ZBTB20: variants seen among roughly 807,000 people sequenced by gnomAD.
ZBTB20 encodes the protein zinc finger and BTB domain containing 20.
A neutral mutation model predicts 56.9 loss-of-function variants in ZBTB20; 9 were observed. That is an observed-to-expected ratio of 0.16 (90% CI 0.10 to 0.28). ZBTB20 has a LOEUF of 0.28. ZBTB20 is among the 10% of genes least tolerant of loss of function. The pLI, the probability that ZBTB20 is intolerant of heterozygous loss-of-function variation, is 1.00. For missense variants in ZBTB20, 655 were observed against 1,003.0 expected, an observed-to-expected ratio of 0.65 and a Z score of 4.69; for synonymous variants, 417 against 420.7, an observed-to-expected ratio of 0.99 and a Z score of 0.11.
intron 7 of ZBTB20, among the ~76,000 whole-genome samples, chr3:114,465,044 G>C (rs1299467884): frequency 6.8e-6 from 1 of 147,754 alleles, no homozygotes; most frequent in Non-Finnish European, 1.5e-5. Flanking sequence ...GGACTGTTTT[G>C]TTTTTAGGTA....
At chr3:115,131,574 C>CA (rs1246288674) in intron 1 of ZBTB20, among the ~76,000 whole-genome samples, 1 of 151,942 alleles carries the variant, frequency 6.6e-6, no homozygotes, top group Non-Finnish European at 1.5e-5. Context: ...ACCTGGAAAC[C>CA]AAAAAATACA....
intron 5 of ZBTB20, among the ~76,000 whole-genome samples, chr3:114,778,037 T>C (rs1227826522): frequency 3.7e-5 from 5 of 135,364 alleles, no homozygotes; most frequent in South Asian, 2.4e-4. Context: ...TAGGTGGGAA[T>C]TGAACAATGA....
At chr3:114,821,679 C>T (rs2073255889) in intron 4 of ZBTB20, among the ~76,000 whole-genome samples, 1 of 152,110 alleles carries the variant, frequency 6.6e-6, no homozygotes, top group Admixed American at 6.6e-5. Flanking sequence ...TAGTCCAAGA[C>T]TCTAGTTTAG....
chr3:114,854,264 A>T (rs1351724605), intron 4 of ZBTB20, among the ~76,000 whole-genome samples: 1 of 152,226 alleles, frequency 6.6e-6, no homozygotes, highest in African/African-American at 2.4e-5. Flanking sequence ...GAAAATGATA[A>T]GAGCCTTAAT....
chr3:114,835,265 A>G (rs999042426), intron 4 of ZBTB20, among the ~76,000 whole-genome samples: 11 of 152,180 alleles, frequency 7.2e-5, no homozygotes, highest in African/African-American at 2.2e-4. Context: ...TGACTAGGGA[A>G]TTTAAATGTA....
chr3:114,544,973 T>G (rs547382348), intron 6 of ZBTB20, among the ~76,000 whole-genome samples: 23 of 152,206 alleles, frequency 1.5e-4, no homozygotes, highest in Non-Finnish European at 2.8e-4. Context: ...TTCATGTGGT[T>G]ATCATGAAGA....
chr3:114,691,521 G>A (rs1212680879), intron 6 of ZBTB20, among the ~76,000 whole-genome samples: 1 of 151,864 alleles, frequency 6.6e-6, no homozygotes, highest in Non-Finnish European at 1.5e-5. Context: ...TTCATTTACT[G>A]TTTATGCAAG....
At chr3:114,968,765 T>C (rs2077752875) in intron 3 of ZBTB20, among the ~76,000 whole-genome samples, 1 of 152,182 alleles carries the variant, frequency 6.6e-6, no homozygotes, top group African/African-American at 2.4e-5. Context: ...GAAATTCCTA[T>C]AATATTCCAA....
At chr3:114,961,665 T>C (rs2077456454) in intron 3 of ZBTB20, among the ~76,000 whole-genome samples, 1 of 152,176 alleles carries the variant, frequency 6.6e-6, no homozygotes, top group Non-Finnish European at 1.5e-5. Flanking sequence ...CCGTTGTTCT[T>C]GCCTAAGAGG....
chr3:114,456,417 C>T (rs2092023705), intron 7 of ZBTB20, among the ~76,000 whole-genome samples: 1 of 152,144 alleles, frequency 6.6e-6, no homozygotes, highest in South Asian at 2.1e-4. Context: ...GCTCTATGAA[C>T]ATCATCTGCT....
intron 7 of ZBTB20, among the ~76,000 whole-genome samples, chr3:114,484,184 T>C (rs555977285): frequency 5.3e-5 from 8 of 152,318 alleles, no homozygotes; most frequent in African/African-American, 1.4e-4. Flanking sequence ...ATATGGAAAA[T>C]TACATTTTTC....
At chr3:114,831,139 T>TA (rs1452131262) in intron 4 of ZBTB20, among the ~76,000 whole-genome samples, 1 of 139,388 alleles carries the variant, frequency 7.2e-6, no homozygotes, top group East Asian at 2.2e-4. Context: ...CCAACCTTTT[T>TA]AAAATATAAT....
At chr3:114,373,862 G>A (rs1229278117) in intron 10 of ZBTB20, among the ~76,000 whole-genome samples, 1 of 152,090 alleles carries the variant, frequency 6.6e-6, no homozygotes, top group Non-Finnish European at 1.5e-5. Flanking sequence ...AAGTGACTAT[G>A]GAAGAAACCC....
At chr3:114,832,790 T>C (rs955843218) in intron 4 of ZBTB20, among the ~76,000 whole-genome samples, 5 of 152,122 alleles carry the variant, frequency 3.3e-5, no homozygotes, top group Admixed American at 1.3e-4. Flanking sequence ...AACATTCCTG[T>C]TAGTACATAA....
intron 6 of ZBTB20, among the ~76,000 whole-genome samples, chr3:114,648,460 G>A (rs2059963225): frequency 6.6e-6 from 1 of 151,820 alleles, no homozygotes; most frequent in Admixed American, 6.6e-5. Context: ...ATCTTCCAAA[G>A]CACTGATAGA....
At chr3:114,630,439 A>G (rs1209710788) in intron 6 of ZBTB20, among the ~76,000 whole-genome samples, 1 of 152,192 alleles carries the variant, frequency 6.6e-6, no homozygotes, top group African/African-American at 2.4e-5. Flanking sequence ...GCACTCTGCT[A>G]TAAATTGCCC....
rs973918179 is a variant in ZBTB20 at position 114,339,818 on chromosome 3, A to G, written c.1805-392T>C. Among the ~76,000 whole-genome samples, 2 of 152,208 alleles carry G rather than the reference A, an allele frequency of 1.3e-5. No homozygotes were observed. Among genetic ancestry groups the G allele is most frequent in the African/African-American group, 4.8e-5 (2 of 41,458 alleles). ...TTCCCATTAACATTATCAAACAAAT[A>G]GAAGAAATAAGAGAGAAGAAAGATC... is the stretch of plus-strand genomic sequence containing the variant. On this transcript the variant is annotated intron_variant, in intron 11 of 11. Coordinates refer to ENST00000675478, the MANE Select transcript of ZBTB20 (RefSeq NM_001348800.3). This position sits in a 1 kb window ranked among gnomAD's most constrained non-coding sequence, Gnocchi z 4.2.
At chr3:114,881,918 C>G (rs1306986894) in intron 4 of ZBTB20, among the ~76,000 whole-genome samples, 3 of 151,748 alleles carry the variant, frequency 2.0e-5, no homozygotes, top group African/African-American at 7.2e-5. Flanking sequence ...AGAAGAAAAT[C>G]TGAGTAATTT....
intron 4 of ZBTB20, among the ~76,000 whole-genome samples, chr3:114,804,107 T>C (rs537518905): frequency 6.6e-6 from 1 of 151,884 alleles, no homozygotes; most frequent in South Asian, 2.1e-4. Context: ...AGCAAAAGAG[T>C]TGTACATTCT....
Sources: allele counts gnomAD v4.1 joint callset (sites outside exome capture counted in the v4.1 genomes callset), GRCh38; gene constraint gnomAD v4.1.1; non-coding constraint Gnocchi (gnomAD v3.1); transcripts MANE v1.5; gene names NCBI Gene and HGNC (gene_info 2026-07-23, HGNC 2026-07-21).